Variants in ARHGAP10 observed in about 807,000 individuals in gnomAD.
The protein encoded by ARHGAP10 is rho GTPase-activating protein 10.
In ARHGAP10, 87 loss-of-function variants were observed where a neutral mutation model predicts 108.6. The ratio of observed to expected loss-of-function variants is 0.80; its 90% CI spans 0.67 to 0.96. ARHGAP10 has a LOEUF of 0.96. Ranked by LOEUF, ARHGAP10 falls within the 40% of genes least tolerant of loss-of-function variation. The pLI, the probability that ARHGAP10 is intolerant of heterozygous loss-of-function variation, is 0.00. For missense variants in ARHGAP10, 939 were observed against 954.5 expected, an observed-to-expected ratio of 0.98 and a Z score of 0.21; for synonymous variants, 347 against 341.1, an observed-to-expected ratio of 1.02 and a Z score of -0.19.
At chr4:147,951,008 A>C (rs547900314) in intron 15 of ARHGAP10, among the ~76,000 whole-genome samples, 2 of 152,162 alleles carry the variant, frequency 1.3e-5, no homozygotes, top group Admixed American at 6.5e-5. Context: ...GCTCAAAAAC[A>C]TGTCGGGTGG....
chr4:147,894,573 A>G (rs1036563289), intron 10 of ARHGAP10, among the ~76,000 whole-genome samples: 1 of 152,162 alleles, frequency 6.6e-6, no homozygotes, highest in African/African-American at 2.4e-5. Flanking sequence ...CAGTTTAAAA[A>G]CATTTTATTA....
intron 1 of ARHGAP10, among the ~76,000 whole-genome samples, chr4:147,763,264 G>A (rs1729660630): frequency 6.6e-6 from 1 of 150,974 alleles, no homozygotes; most frequent in African/African-American, 2.4e-5. Flanking sequence ...ACTAAAACAA[G>A]TTTGCTGGAA....
chr4:147,982,411 C>T (rs1157277236), intron 18 of ARHGAP10, among the ~76,000 whole-genome samples: 3 of 149,890 alleles, frequency 2.0e-5, no homozygotes, highest in Non-Finnish European at 4.4e-5. Context: ...ACTCTGTTGC[C>T]CAGGCTGGAG....
At chr4:147,913,238 A>G in intron 13 of ARHGAP10, 99 bp downstream of exon 13, 1 of 1,014,434 alleles carries the variant, frequency 9.9e-7, no homozygotes, top group East Asian at 2.5e-5. Context: ...ACAGAATGAA[A>G]CGTGTTAACA....
chr4:147,848,918 T>C (rs889374240), intron 4 of ARHGAP10, among the ~76,000 whole-genome samples: 1 of 152,226 alleles, frequency 6.6e-6, no homozygotes, highest in Non-Finnish European at 1.5e-5. Flanking sequence ...ATTCTGTGCT[T>C]TGAGCTGTTT....
At chr4:147,879,467 C>A (rs1735237201) in intron 9 of ARHGAP10, 129 bp downstream of exon 9, 7 of 793,192 alleles carry the variant, frequency 8.8e-6, no homozygotes, top group Non-Finnish European at 1.3e-5. Context: ...GTATTAAAAT[C>A]TTTGTTTTGT....
chr4:147,783,451 A>T (rs577228155), intron 1 of ARHGAP10, among the ~76,000 whole-genome samples: 1 of 143,622 alleles, frequency 7.0e-6, no homozygotes. Flanking sequence ...TTTATATAGC[A>T]CACATTAAAT....
At chr4:148,070,402 G>T (rs968636178) in intron 22 of ARHGAP10, among the ~76,000 whole-genome samples, 4 of 152,182 alleles carry the variant, frequency 2.6e-5, no homozygotes, top group African/African-American at 7.2e-5. Context: ...GAAAGTGCAG[G>T]CGGTTAGTCT....
chr4:147,954,583 A>G (rs755894051), intron 15 of ARHGAP10, among the ~76,000 whole-genome samples: 3 of 151,980 alleles, frequency 2.0e-5, no homozygotes, highest in Non-Finnish European at 2.9e-5. Context: ...AGTTCTTAAT[A>G]TCTTGCGAGA....
chr4:147,908,088 C>T (rs969862753), intron 11 of ARHGAP10, among the ~76,000 whole-genome samples: 1 of 152,204 alleles, frequency 6.6e-6, no homozygotes, highest in Non-Finnish European at 1.5e-5. Context: ...AAACGATCCA[C>T]CCACCTTGGC....
At chr4:147,778,193 T>C (rs980763419) in intron 1 of ARHGAP10, among the ~76,000 whole-genome samples, 5 of 152,152 alleles carry the variant, frequency 3.3e-5, no homozygotes, top group Non-Finnish European at 7.4e-5. Context: ...TCAGACAGGA[T>C]TTTTGCATGT....
intron 10 of ARHGAP10, among the ~76,000 whole-genome samples, chr4:147,894,368 G>A (rs1185953785): frequency 1.3e-5 from 2 of 152,136 alleles, no homozygotes; most frequent in African/African-American, 4.8e-5. Flanking sequence ...CTGTCATGAA[G>A]TGTCTATTAA....
chr4:147,741,375 A>G (rs897493163), intron 1 of ARHGAP10, among the ~76,000 whole-genome samples: 2 of 152,192 alleles, frequency 1.3e-5, no homozygotes, highest in Admixed American at 6.5e-5. Context: ...TTCATGTCTC[A>G]GGACTATATG....
chr4:147,986,032 C>T (rs1028941334), intron 18 of ARHGAP10, among the ~76,000 whole-genome samples: 3 of 152,180 alleles, frequency 2.0e-5, no homozygotes, highest in Non-Finnish European at 4.4e-5. Context: ...TGAATTAAAG[C>T]TCACAGGGTT....
chr4:147,735,629 C>T (rs778363344), intron 1 of ARHGAP10, among the ~76,000 whole-genome samples: 2 of 152,018 alleles, frequency 1.3e-5, no homozygotes, highest in Non-Finnish European at 2.9e-5. Context: ...GGCTTTTCAG[C>T]AGAAGGCTGA....
In ARHGAP10 at chr4:147,929,473, G is replaced by A. The variant is rs146024064; in HGVS notation, c.1229-10352G>A. On this transcript the variant is annotated intron_variant, in intron 13 of 22. Transcript: ENST00000336498. Reference sequence around the variant, plus strand: ...GAAGAGTATCTTTGTGTATGAACCTGTTTATTTTTATGTAACCCAGTGCAG... The same window carrying A: ...GAAGAGTATCTTTGTGTATGAACCTATTTATTTTTATGTAACCCAGTGCAG... Among the ~76,000 whole-genome samples the A allele has an allele frequency of 5.3e-3, 803 of 152,208 alleles. 6 individuals carry two copies. Among genetic ancestry groups the A allele is most frequent in the Non-Finnish European group, 8.9e-3 (602 of 67,982 alleles).
Position 148,050,789 on chromosome 4 carries a change from G to A in ARHGAP10, c.2027+3738G>A, listed in dbSNP as rs112960686. On this transcript the variant is annotated intron_variant, in intron 20 of 22. Coordinates refer to ENST00000336498, the MANE Select transcript of ARHGAP10 (RefSeq NM_024605.4). ...TCCTTAGCATTTATAAGTTCTCATT[G>A]TATGTTCTCTTCTTGTCTTTTCCCC... 2.4e-3 allele frequency among the ~76,000 whole-genome samples: 359 copies of A among 152,166 alleles called. 1 individual carries two copies. The highest frequency in any genetic ancestry group is 8.1e-3 in the African/African-American group (335 of 41,510).
chr4:147,993,804 T>C lies in ARHGAP10; in HGVS notation c.1716+26965T>C, dbSNP rs1430709022. On this transcript the variant is annotated intron_variant, in intron 18 of 22. Transcript: ENST00000336498. ...GCAGAGGATATAATGGATATAATTA[T>C]GAAATACAAAACTCTTTTTCCTAAG... Among the ~76,000 whole-genome samples, 3 of 152,374 alleles carry C rather than the reference T, an allele frequency of 2.0e-5. No individual in the cohort carries two copies. In the East Asian group the frequency reaches 5.8e-4, roughly 29 times the overall value.
intron 22 of ARHGAP10, among the ~76,000 whole-genome samples, chr4:148,067,644 T>C (rs11724772): frequency 0.065 from 9,897 of 152,326 alleles, 474 homozygotes; most frequent in Admixed American, 0.1. Flanking sequence ...GCTCTTGCAG[T>C]GCAATTCCTT....
Sources: gnomAD v4.1 joint callset for allele counts (sites outside exome capture counted in the v4.1 genomes callset) on GRCh38, gnomAD v4.1.1 for gene constraint, MANE v1.5 for transcripts, NCBI Gene and HGNC (gene_info 2026-07-23, HGNC 2026-07-21) for gene names.